Variants in DNMT3L observed in about 807,000 individuals in gnomAD.
DNMT3L encodes the protein DNA methyltransferase 3 like.
Under a neutral mutation model 36.2 loss-of-function variants are expected in DNMT3L, and 33 were observed. That is an observed-to-expected ratio of 0.91 (90% CI 0.69 to 1.22). The LOEUF (loss-of-function observed/expected upper bound fraction) is 1.22. Among genes scored for constraint, DNMT3L ranks in the 50% most tolerant of loss-of-function variants. The pLI is 0.00. For missense variants in DNMT3L, 310 were observed against 303.1 expected (o/e 1.02, Z -0.17); for synonymous variants, 117 against 121.7 (o/e 0.96, Z 0.26).
chr21:44,258,163 G>C lies in DNMT3L; in HGVS notation c.516+360C>G, dbSNP rs1287430202. 6.6e-6 allele frequency among the ~76,000 whole-genome samples: 1 copy of C among 152,030 alleles called. No homozygotes were observed. Among genetic ancestry groups the C allele is most frequent in the Non-Finnish European group, 1.5e-5 (1 of 68,010 alleles). ...CTGCCTTTGTCTGAGGTTCCTGCCG[G>C]CCCCCCTGGCTCCTCGGCTGGACTC... On this transcript the variant is annotated intron_variant, in intron 6 of 11. Transcript: ENST00000628202. This position sits in a 1 kb window ranked among gnomAD's most constrained non-coding sequence, Gnocchi z 6.2.
rs777854384 is a variant in DNMT3L at position 44,256,101 on chromosome 21, G to A, written c.570C>T (p.Val190=). 1 of 1,613,984 alleles carries A rather than the reference G, an allele frequency of 6.2e-7. No homozygotes were observed. ...ETVPVWRRQP[V]RVLSLFEDIK... is the part of the protein sequence containing the mutation. ...TGTCTTCAAAAAGGGACAGCACCCG[G>A]ACTGGCTGTCTCCTCCACACAGGCA... Residue 190 remains valine, a synonymous_variant, in exon 7 of 12, where the codon GTC becomes GTT. Coordinates refer to ENST00000628202, the MANE Select transcript of DNMT3L (RefSeq NM_175867.3).
At chr21:44,256,595 T>C (rs1274166202) in intron 6 of DNMT3L, among the ~76,000 whole-genome samples, 1 of 144,392 alleles carries the variant, frequency 6.9e-6, no homozygotes, top group Non-Finnish European at 1.5e-5. Flanking sequence ...CGGCTAATTT[T>C]TGTATTTTTA....
intron 8 of DNMT3L, 136 bp downstream of exon 8, chr21:44,254,481 A>T: frequency 2.2e-6 from 2 of 930,056 alleles, no homozygotes; most frequent in South Asian, 1.8e-5. Context: ...CAGGCTGCCG[A>T]GAGGCCCCCG....
At chr21:44,255,826 C>G (rs544468354) in intron 7 of DNMT3L, among the ~76,000 whole-genome samples, 2 of 152,208 alleles carry the variant, frequency 1.3e-5, no homozygotes, top group African/African-American at 4.8e-5. Context: ...ACATCCCTAA[C>G]GGCCAGAGGA....
In DNMT3L at chr21:44,258,679, C is replaced by T. The variant is rs752983870; in HGVS notation, c.360G>A (p.Glu120=). Residue 120 remains glutamate (E), a synonymous_variant, in exon 6 of 12, where the codon GAG becomes GAA. Transcript: ENST00000628202. This position sits in a 1 kb window ranked among gnomAD's most constrained non-coding sequence, Gnocchi z 6.2. The part of the protein sequence containing the change: ...NPDCTRCYCF[E]CVDSLVGPGT... Reference sequence around the variant, plus strand: ...CGGGGCCGACCAGGCTATCCACACACTCGAAGCAGTAGCATCTAAGGCCAG... The same window carrying T: ...CGGGGCCGACCAGGCTATCCACACATTCGAAGCAGTAGCATCTAAGGCCAG... 2 of 1,612,812 alleles carry T rather than the reference C, an allele frequency of 1.2e-6. No individual in the cohort carries two copies. The highest frequency in any genetic ancestry group is 2.2e-5 in the South Asian group (2 of 91,076).
Position 44,261,157 on chromosome 21 carries a change from T to A in DNMT3L, c.103A>T (p.Arg35Ter), listed in dbSNP as rs1440928296. 1.2e-6 allele frequency: 2 copies of A among 1,612,674 alleles called. No homozygotes were observed. Among genetic ancestry groups the A allele is most frequent in the South Asian group, 2.2e-5 (2 of 91,088 alleles). The change falls in exon 2 of 12, where the codon AGA becomes TGA. Residue 35 changes from arginine to a stop codon, truncating the protein, a stop_gained. Coordinates refer to ENST00000628202, the MANE Select transcript of DNMT3L (RefSeq NM_175867.3). LOFTEE classifies it high-confidence loss of function. ...CAATAAGCAGATGAGCCCTCACCTCTGCCTGTCCCGGGTGAAACGGAGCTT... is the reference window on the plus strand; with the variant it reads ...CAATAAGCAGATGAGCCCTCACCTCAGCCTGTCCCGGGTGAAACGGAGCTT... Reference protein sequence around the residue: ...LSSSVSPGTGRDLIAYEVKAN... With the variant: ...LSSSVSPGTG
intron 6 of DNMT3L, among the ~76,000 whole-genome samples, chr21:44,257,853 C>A (rs906927211): frequency 1.3e-5 from 2 of 151,982 alleles, no homozygotes; most frequent in South Asian, 4.2e-4. Context: ...CGTGCCAGGC[C>A]TCTCCCCCAG....
rs569352304 is a variant in DNMT3L, at chr21:44,256,702, GGA to G, written c.517-550_517-549del. On this transcript the variant is annotated intron_variant, in intron 6 of 11. Coordinates refer to ENST00000628202, the MANE Select transcript of DNMT3L (RefSeq NM_175867.3). ...AGAGCCCCAAGGCCAGAGATGCCGGGGAGAGGTGAGCCTCGGGGCAGGTGAGG... is the reference window on the plus strand; with the variant it reads ...AGAGCCCCAAGGCCAGAGATGCCGGGGAGGTGAGCCTCGGGGCAGGTGAGG... Among the ~76,000 whole-genome samples, 417 of 152,228 alleles carry G rather than the reference GGA, an allele frequency of 2.7e-3. 1 individual carries two copies. Among genetic ancestry groups the G allele is most frequent in the Non-Finnish European group, 4.9e-3 (332 of 68,010 alleles).
Position 44,259,438 on chromosome 21 carries a change from G to T in DNMT3L, c.343C>A (p.Arg115=), listed in dbSNP as rs765553737. ...CCCTGGGCAGGCCCCTCGCCTCACC[G>T]GGTGCAATCAGGGTTTCCGCAGATG... The part of the protein sequence containing the change: ...LLICGNPDCT[R]CYCFECVDSL... The change falls in exon 5 of 12, where the codon CGA becomes AGA. Residue 115 remains arginine, a splice_region_variant and synonymous_variant. Transcript: ENST00000628202. The T allele has an allele frequency of 6.2e-7, 1 of 1,613,384 alleles. No homozygotes were observed. Among genetic ancestry groups the T allele is most frequent in the Non-Finnish European group, 8.5e-7 (1 of 1,179,974 alleles).
At chr21:44,254,780 C>G in intron 7 of DNMT3L, 75 bp from the exon 8 acceptor site, 1 of 1,476,016 alleles carries the variant, frequency 6.8e-7, no homozygotes, top group Non-Finnish European at 9.3e-7. Context: ...AAAAGGCTGA[C>G]GGACGATCAG....
intron 8 of DNMT3L, among the ~76,000 whole-genome samples, chr21:44,253,657 T>A (rs1009917686): frequency 6.6e-6 from 1 of 152,104 alleles, no homozygotes; most frequent in South Asian, 2.1e-4. Flanking sequence ...AGGCGGAGGT[T>A]GCAGTGAGCC....
rs1601949876 is a variant in DNMT3L at position 44,254,652 on chromosome 21, G to A, written c.658C>T (p.His220Tyr). The change falls in exon 8 of 12, where the codon CAT (histidine) becomes TAT (tyrosine). Residue 220 changes from histidine (H) to tyrosine (Y), a missense_variant. Transcript: ENST00000628202. Reference sequence around the variant, plus strand: ...ACTGTGTCTGTGACATCAACCACATGCTTCAGTTGTCCCGGGTCAGAACCA... The same window carrying A: ...ACTGTGTCTGTGACATCAACCACATACTTCAGTTGTCCCGGGTCAGAACCA... ...ESGSDPGQLKHVVDVTDTVRK... is the reference protein window; with the variant it reads ...ESGSDPGQLKYVVDVTDTVRK... 1 of 1,614,014 alleles carries A rather than the reference G, an allele frequency of 6.2e-7. No individual in the cohort carries two copies. Among genetic ancestry groups the A allele is most frequent in the East Asian group, 2.2e-5 (1 of 44,874 alleles).
Position 44,254,490 on chromosome 21 carries a change from C to T in DNMT3L, c.693+127G>A, listed in dbSNP as rs752971555. On this transcript the variant is annotated intron_variant, in intron 8 of 11. Transcript: ENST00000628202. Reference sequence around the variant, plus strand: ...CCCCACCAGGCTGCCGAGAGGCCCCCGTGTGTTCAGGACTCCTCCCAGCCC... The same window carrying T: ...CCCCACCAGGCTGCCGAGAGGCCCCTGTGTGTTCAGGACTCCTCCCAGCCC... 2.4e-5 allele frequency: 24 copies of T among 1,017,660 alleles called. No individual in the cohort carries two copies. The African/African-American group carries it at 2.8e-4, about 12-fold the overall frequency. The allele number at this position is 1,017,660 out of a possible 1,614,324, so 63.0% of individuals were successfully genotyped here.
chr21:44,260,915 ATCACAATTCGTTT>A (rs1467567997), intron 2 of DNMT3L, 76 bp from the exon 3 acceptor site: 1 of 1,606,916 alleles, frequency 6.2e-7, no homozygotes, highest in Non-Finnish European at 8.5e-7. Flanking sequence ...GGAAGTGAGC[ATCACAATTCGTTT>A]TCCAAAGTCA....
rs755214375 is a variant in DNMT3L at position 44,258,667 on chromosome 21, G to A, written c.372C>T (p.Ser124=). The A allele has an allele frequency of 6.2e-7, 1 of 1,612,806 alleles. No homozygotes were observed. Among genetic ancestry groups the A allele is most frequent in the Admixed American group, 1.7e-5 (1 of 59,998 alleles). ...TRCYCFECVD[S]LVGPGTSGKV... Reference sequence around the variant, plus strand: ...TCCCCGAGGTCCCGGGGCCGACCAGGCTATCCACACACTCGAAGCAGTAGC... The same window carrying A: ...TCCCCGAGGTCCCGGGGCCGACCAGACTATCCACACACTCGAAGCAGTAGC... The change falls in exon 6 of 12, where the codon AGC becomes AGT. Residue 124 remains serine, a synonymous_variant. Transcript: ENST00000628202. This position sits in a 1 kb window ranked among gnomAD's most constrained non-coding sequence, Gnocchi z 6.2.
At chr21:44,260,764 G>T in intron 3 of DNMT3L, 31 bp downstream of exon 3, 4 of 1,612,986 alleles carry the variant, frequency 2.5e-6, no homozygotes, top group Non-Finnish European at 3.4e-6. Flanking sequence ...CGTCTCTTTT[G>T]TCTGGTGTGG....
intron 7 of DNMT3L, 100 bp from the exon 8 acceptor site, chr21:44,254,805 A>T (rs2040244820): frequency 8.8e-7 from 1 of 1,141,094 alleles, no homozygotes; most frequent in Admixed American, 2.3e-5. Context: ...CCCTCCTACC[A>T]TTAAGGAGCC....
At chr21:44,259,573 G>A (rs769722804) in intron 4 of DNMT3L, 24 bp from the exon 5 acceptor site, 5 of 1,613,564 alleles carry the variant, frequency 3.1e-6, no homozygotes, top group Non-Finnish European at 4.2e-6. Flanking sequence ...AAGCAAGGCT[G>A]GCTTGTGTCA....
Position 44,261,227 on chromosome 21 carries a change from G to C in DNMT3L, c.33C>G (p.Ala11=). The C allele has an allele frequency of 1.2e-6, 2 of 1,612,648 alleles. No individual in the cohort carries two copies. Among genetic ancestry groups the C allele is most frequent in the Non-Finnish European group, 1.7e-6 (2 of 1,179,890 alleles). The part of the protein sequence containing the change: MAAIPALDPE[A]EPSMDVILVG... Reference sequence around the variant, plus strand: ...CCAAAATCACGTCCATGCTGGGCTCGGCCTCTGGGTCCAGGGCTGGGATGG... The same window carrying C: ...CCAAAATCACGTCCATGCTGGGCTCCGCCTCTGGGTCCAGGGCTGGGATGG... Residue 11 remains alanine, a synonymous_variant, in exon 2 of 12, where the codon GCC becomes GCG. Transcript: ENST00000628202.
Sources: allele counts gnomAD v4.1 joint callset (sites outside exome capture counted in the v4.1 genomes callset), GRCh38; gene constraint gnomAD v4.1.1; non-coding constraint Gnocchi (gnomAD v3.1); transcripts MANE v1.5; gene names NCBI Gene and HGNC (gene_info 2026-07-23, HGNC 2026-07-21).